Variants in LRRC37A2 observed in about 807,000 individuals in gnomAD.
LRRC37A2 encodes leucine-rich repeat-containing protein 37A2.
LRRC37A2 carries 9 observed loss-of-function variants against 68.8 expected under a neutral mutation model. The ratio of observed to expected loss-of-function variants is 0.13; its 90% CI spans 0.08 to 0.23. LRRC37A2 has a LOEUF of 0.23. Among genes scored for constraint, LRRC37A2 ranks in the 10% least tolerant of loss-of-function variants. The probability of loss-of-function intolerance (pLI) is 1.00; values close to 1 mark genes in which losing one functional copy is unlikely to be tolerated. For missense variants in LRRC37A2, 168 were observed against 950.4 expected (o/e 0.18, Z 10.82); for synonymous variants, 63 against 367.6 (o/e 0.17, Z 9.48).
the LRRC37A2 span, chr17:46,726,695 A>G: frequency 8.1e-7 from 1 of 1,230,104 alleles, no homozygotes; most frequent in Non-Finnish European, 1.2e-6. Context: ...AAAATTAACA[A>G]GTATTTATAA....
the LRRC37A2 span, among the ~76,000 whole-genome samples, chr17:46,899,966 G>T: frequency 6.6e-6 from 1 of 151,270 alleles, no homozygotes; most frequent in Non-Finnish European, 1.5e-5. Flanking sequence ...CTAGTTCAGG[G>T]ACCTTGGACA....
chr17:47,030,815 C>A, the LRRC37A2 span, among the ~76,000 whole-genome samples: 3 of 151,796 alleles, frequency 2.0e-5, no homozygotes, highest in Non-Finnish European at 4.4e-5. Flanking sequence ...CAATATGACA[C>A]CATTTTGTGG....
At chr17:46,907,940 T>C in the LRRC37A2 span, among the ~76,000 whole-genome samples, 4 of 152,060 alleles carry the variant, frequency 2.6e-5, no homozygotes, top group African/African-American at 9.7e-5. Context: ...CCTGGGCCCC[T>C]TAACCACAAC....
At chr17:46,542,424 C>T (rs4617906) in intron 8 of LRRC37A2, among the ~76,000 whole-genome samples, 1 of 147,612 alleles carries the variant, frequency 6.8e-6, no homozygotes, top group Non-Finnish European at 1.5e-5. Flanking sequence ...AGGCTGGTCT[C>T]GGACTCCTGG....
chr17:46,938,530 G>A, the LRRC37A2 span: 2 of 1,608,388 alleles, frequency 1.2e-6, no homozygotes, highest in Non-Finnish European at 1.7e-6. Flanking sequence ...TCCATCTCCT[G>A]ATGCCATTCA....
the LRRC37A2 span, among the ~76,000 whole-genome samples, chr17:46,822,196 C>T: frequency 5.3e-5 from 8 of 152,230 alleles, no homozygotes; most frequent in African/African-American, 1.4e-4. Context: ...GGGCGTTTAA[C>T]TTTCTCCTAG....
At chr17:46,831,825 A>C in the LRRC37A2 span, among the ~76,000 whole-genome samples, 2 of 152,198 alleles carry the variant, frequency 1.3e-5, no homozygotes, top group Non-Finnish European at 2.9e-5. Flanking sequence ...TGCAGGTTGA[A>C]ACTGCCAAAT....
chr17:46,575,654 T>C, the LRRC37A2 span, among the ~76,000 whole-genome samples: 2 of 91,714 alleles, frequency 2.2e-5, no homozygotes, highest in African/African-American at 4.6e-5. Context: ...GTCTCCCTTG[T>C]GAACCTAAGA....
Position 46,541,743 on chromosome 17 carries a change from T to C in LRRC37A2, c.3053+862T>C, listed in dbSNP as rs556004290. On this transcript the variant is annotated intron_variant, in intron 8 of 14. Transcript: ENST00000576629. The stretch of plus-strand genomic sequence containing the variant: ...AAGCAGTAGAAAATTTAAAATACAG[T>C]ATAATTATGTACATACCATTTACAC... 1.6e-4 allele frequency among the ~76,000 whole-genome samples: 24 copies of C among 150,940 alleles called. No homozygotes were observed. In the East Asian group the frequency reaches 4.5e-3, roughly 28 times the overall value.
chr17:46,908,936 C>T, the LRRC37A2 span, among the ~76,000 whole-genome samples: 2 of 152,194 alleles, frequency 1.3e-5, no homozygotes, highest in African/African-American at 4.8e-5. Flanking sequence ...CATGAGGAGG[C>T]CCTGGGCTGT....
chr17:46,858,456 G>GT, the LRRC37A2 span, among the ~76,000 whole-genome samples: 3 of 151,286 alleles, frequency 2.0e-5, no homozygotes, highest in African/African-American at 7.3e-5. Flanking sequence ...TTCTTCCTAC[G>GT]TTTTCTCCTT....
At chr17:46,876,133 G>C in the LRRC37A2 span, 1 of 1,029,604 alleles carries the variant, frequency 9.7e-7, no homozygotes. Context: ...TGAGACCCTG[G>C]GTCTCTTTCC....
At chr17:46,832,244 C>G in the LRRC37A2 span, among the ~76,000 whole-genome samples, 1 of 152,180 alleles carries the variant, frequency 6.6e-6, no homozygotes, top group Non-Finnish European at 1.5e-5. Context: ...AACACAAAGC[C>G]TCCTCTCTGG....
the LRRC37A2 span, chr17:46,932,407 A>G: frequency 1.6e-6 from 1 of 623,402 alleles, no homozygotes; most frequent in Non-Finnish European, 2.8e-6. Context: ...CCTGAAGAGG[A>G]AGCAGTTAAA....
chr17:46,977,555 G>A, the LRRC37A2 span, among the ~76,000 whole-genome samples: 2 of 152,256 alleles, frequency 1.3e-5, no homozygotes, highest in South Asian at 2.1e-4. Context: ...TTTCTGGGCA[G>A]CTGGGGCATC....
At chr17:46,755,486 C>T in the LRRC37A2 span, 4 of 935,344 alleles carry the variant, frequency 4.3e-6, no homozygotes, top group South Asian at 2.9e-5. Context: ...TTGAATTCTT[C>T]GCTGTGTTGT....
intron 8 of LRRC37A2, among the ~76,000 whole-genome samples, chr17:46,542,632 T>C (rs1176903919): frequency 1.3e-5 from 2 of 150,104 alleles, no homozygotes; most frequent in Non-Finnish European, 2.9e-5. Flanking sequence ...GAGGTGGAGG[T>C]TGCAGTGAGC....
At chr17:46,752,451 T>TTTA in the LRRC37A2 span, among the ~76,000 whole-genome samples, 77 of 151,228 alleles carry the variant, frequency 5.1e-4, no homozygotes, top group African/African-American at 1.5e-3. Context: ...TCAGTAAACT[T>TTTA]TTATTATTAT....
the LRRC37A2 span, among the ~76,000 whole-genome samples, chr17:46,498,230 A>G: frequency 2.1e-5 from 3 of 144,746 alleles, no homozygotes; most frequent in Non-Finnish European, 4.4e-5. Flanking sequence ...CCCGGCCAAA[A>G]TATCAATGAC....
Sources: allele counts gnomAD v4.1 joint callset (sites outside exome capture counted in the v4.1 genomes callset), GRCh38; gene constraint gnomAD v4.1.1; transcripts MANE v1.5; gene names NCBI Gene and HGNC (gene_info 2026-07-23, HGNC 2026-07-21).